Variants in GFUS observed in about 807,000 individuals in gnomAD.
GFUS encodes the protein GDP-L-fucose synthase.
Under a neutral mutation model 41.5 loss-of-function variants are expected in GFUS, and 42 were observed. The ratio of observed to expected loss-of-function variants is 1.01; its 90% CI spans 0.79 to 1.31. The LOEUF is 1.31. Among genes scored for constraint, GFUS ranks in the 50% most tolerant of loss-of-function variants. GFUS has a pLI of 0.00. For missense variants in GFUS, 437 were observed against 428.7 expected (o/e 1.02, Z -0.17); for synonymous variants, 188 against 173.4 (o/e 1.08, Z -0.66).
chr8:143,612,795 G>C lies in GFUS; in HGVS notation c.*115C>G, dbSNP rs1829606814. On this transcript the variant is annotated 3_prime_UTR_variant, in exon 11 of 11. Transcript: ENST00000425753. ...GATGCTTGGGGCTGCAGAGCGGATGGAATGCAGGCCCAGGTTGCTGGGTGG... is the reference window on the plus strand; with the variant it reads ...GATGCTTGGGGCTGCAGAGCGGATGCAATGCAGGCCCAGGTTGCTGGGTGG... 7.8e-7 allele frequency: 1 copy of C among 1,278,390 alleles called. No homozygotes were observed. The highest frequency in any genetic ancestry group is 1.3e-5 in the South Asian group (1 of 75,238). The allele number at this position is 1,278,390 out of a possible 1,614,324, so 79.2% of individuals were successfully genotyped here. A position where few individuals can be genotyped will look rare whatever the true frequency, so the allele number is the denominator to read the frequency against.
chr8:143,617,563 G>C (rs531962775), upstream of GFUS: 1 of 152,210 alleles, frequency 6.6e-6, no homozygotes, highest in Non-Finnish European at 1.5e-5. Context: ...GGGCGGGGCC[G>C]GGAGGCTGGG....
At chr8:143,613,029 G>C in intron 10 of GFUS, 64 bp from the exon 11 acceptor site, 1 of 1,587,718 alleles carries the variant, frequency 6.3e-7, no homozygotes, top group East Asian at 2.3e-5. Context: ...GAGGAAGTGG[G>C]GGGAGGAGGC....
chr8:143,615,930 A>T, intron 3 of GFUS, 176 bp downstream of exon 3: 1 of 586,068 alleles, frequency 1.7e-6, no homozygotes, highest in South Asian at 2.2e-5. Context: ...CCACAGCACC[A>T]AGTGTGAGTG....
chr8:143,614,110 C>A, intron 7 of GFUS, 54 bp downstream of exon 7: 1 of 1,605,828 alleles, frequency 6.2e-7, no homozygotes, highest in Non-Finnish European at 8.5e-7. Context: ...AGGGGCCAGC[C>A]CAGGGCTCAA....
Position 143,614,441 on chromosome 8 carries a change from C to T in GFUS, c.477G>A (p.Gln159=), listed in dbSNP as rs1359553155. ...MIDVQNRAYF[Q]QYGCTFTAVI... ...CAGCGGTGAAGGTGCAGCCGTACTG[C>T]TGGAAGTAGGCCCTGCGGAGGCACA... is the stretch of plus-strand genomic sequence containing the variant. The change falls in exon 6 of 11, where the codon CAG becomes CAA. Residue 159 remains glutamine, a synonymous_variant. Transcript: ENST00000425753. The T allele has an allele frequency of 1.9e-6, 3 of 1,612,832 alleles. No homozygotes were observed. The highest frequency in any genetic ancestry group is 3.3e-5 in the Admixed American group (2 of 59,932).
chr8:143,615,745 G>A, intron 3 of GFUS: 1 of 241,846 alleles, frequency 4.1e-6, no homozygotes, highest in East Asian at 9.1e-5. Context: ...GGGGAGCTGG[G>A]CCAGCACAGT....
At chr8:143,616,542 C>T (rs751412158) in intron 2 of GFUS, 25 bp downstream of exon 2, 3 of 1,613,544 alleles carry the variant, frequency 1.9e-6, no homozygotes, top group Non-Finnish European at 2.5e-6. Flanking sequence ...AGAGGAAGGG[C>T]TGATCTGGGG....
At chr8:143,616,992 G>A in intron 1 of GFUS, 1 of 524,590 alleles carries the variant, frequency 1.9e-6, no homozygotes, top group South Asian at 2.4e-5. Context: ...CCGAGAAAAG[G>A]TACATTCTAC....
intron 2 of GFUS, 47 bp from the exon 3 acceptor site, chr8:143,616,267 C>A (rs747844250): frequency 6.3e-7 from 1 of 1,580,676 alleles, no homozygotes; most frequent in South Asian, 1.1e-5. Flanking sequence ...AACCAGCACC[C>A]CAGGGTTGGG....
rs569059926 is a variant in GFUS at position 143,614,187 on chromosome 8, G to A, written c.640C>T (p.Arg214Trp). ...ACCAGCGAGTATATGAACTGCCTCC[G>A]CGGATTCCCTGTACCCCACACCGTC... ...ALTVWGTGNP[R>W]RQFIYSLDLA... The change falls in exon 7 of 11, where the codon CGG becomes TGG. Residue 214 changes from arginine (R) to tryptophan (W), a missense_variant. Coordinates refer to ENST00000425753, the MANE Select transcript of GFUS (RefSeq NM_003313.4). 4.5e-5 allele frequency: 72 copies of A among 1,613,480 alleles called. No homozygotes were observed. Among genetic ancestry groups the A allele is most frequent in the South Asian group, 1.1e-4 (10 of 91,088 alleles).
intron 7 of GFUS, 75 bp from the exon 8 acceptor site, chr8:143,613,892 C>T (rs766843749): frequency 6.8e-7 from 1 of 1,461,582 alleles, no homozygotes; most frequent in Non-Finnish European, 9.4e-7. Flanking sequence ...CTGGGGAGTC[C>T]ATACTGCTGT....
intron 10 of GFUS, 45 bp from the exon 11 acceptor site, chr8:143,613,010 G>A (rs773893583): frequency 6.3e-7 from 1 of 1,597,044 alleles, no homozygotes; most frequent in Non-Finnish European, 8.5e-7. Flanking sequence ...GAGGGTCGGG[G>A]CCGCATGGGA....
chr8:143,615,526 G>C (rs1192790141), intron 3 of GFUS, among the ~76,000 whole-genome samples: 1 of 152,172 alleles, frequency 6.6e-6, no homozygotes, highest in Admixed American at 6.5e-5. Flanking sequence ...AATCTCCTCT[G>C]AGCCTCTGCT....
In GFUS at chr8:143,616,202, G is replaced by A. The variant is rs201383042; in HGVS notation, c.165C>T (p.Arg55=). Residue 55 remains arginine, a synonymous_variant, in exon 3 of 11, where the codon CGC becomes CGT. Coordinates refer to ENST00000425753, the MANE Select transcript of GFUS (RefSeq NM_003313.4). ...TGGGTTGGACCTTCTCAAACAGGGC[G>A]CGGGTCTGTGCTGTATCCCTGTAGG... is the stretch of plus-strand genomic sequence containing the variant. ...DADLTDTAQT[R]ALFEKVQPTH... 1.2e-5 allele frequency: 19 copies of A among 1,613,880 alleles called. No homozygotes were observed. Among genetic ancestry groups the A allele is most frequent in the South Asian group, 4.4e-5 (4 of 91,090 alleles).
At chr8:143,614,938 G>A (rs1215869871) in intron 3 of GFUS, 23 bp from the exon 4 acceptor site, 1 of 1,580,588 alleles carries the variant, frequency 6.3e-7, no homozygotes, top group South Asian at 1.2e-5. Flanking sequence ...GGCGGGGACA[G>A]TTCAGGCTCC....
chr8:143,615,967 C>A (rs1037171815), intron 3 of GFUS, 139 bp downstream of exon 3: 10 of 706,922 alleles, frequency 1.4e-5, no homozygotes, highest in Non-Finnish European at 2.1e-5. Context: ...GGGCTGCCCC[C>A]ACCAGGCTGT....
Position 143,616,572 on chromosome 8 carries a change from A to T in GFUS, c.141T>A (p.Asp47Glu), listed in dbSNP as rs769356855. ...CTGGGGATGGGCTCACTCACGTGAG[A>T]TCGGCGTCTTTAGAGGAGACAAACA... is the stretch of plus-strand genomic sequence containing the variant. ...DWVFVSSKDA[D>E]LTDTAQTRAL... Residue 47 changes from aspartate (D) to glutamate (E), a missense_variant, in exon 2 of 11, where the codon GAT (aspartate) becomes GAA (glutamate). Transcript: ENST00000425753. The T allele has an allele frequency of 6.2e-7, 1 of 1,613,822 alleles. No homozygotes were observed. The highest frequency in any genetic ancestry group is 8.5e-7 in the Non-Finnish European group (1 of 1,179,962).
Position 143,613,026 on chromosome 8 carries a change from T to TG in GFUS, c.911-62dup, listed in dbSNP as rs376162136. 60 of 1,588,904 alleles carry TG rather than the reference T, an allele frequency of 3.8e-5. No individual in the cohort carries two copies. The African/African-American group carries it at 5.8e-4, about 15-fold the overall frequency. On this transcript the variant is annotated intron_variant, in intron 10 of 10. Transcript: ENST00000425753. Reference sequence around the variant, plus strand: ...AGGGTCGGGGCCGCATGGGAGGAAGTGGGGGGAGGAGGCCCAGGGACAGGG... The same window carrying TG: ...AGGGTCGGGGCCGCATGGGAGGAAGTGGGGGGGAGGAGGCCCAGGGACAGGG...
chr8:143,614,426 G>C lies in GFUS; in HGVS notation c.492C>G (p.Thr164=). ...CGTTGGTGGGGATGACAGCGGTGAA[G>C]GTGCAGCCGTACTGCTGGAAGTAGG... ...NRAYFQQYGC[T]FTAVIPTNVF... The change falls in exon 6 of 11, where the codon ACC becomes ACG. Residue 164 remains threonine, a synonymous_variant. Coordinates refer to ENST00000425753, the MANE Select transcript of GFUS (RefSeq NM_003313.4). The C allele has an allele frequency of 6.2e-7, 1 of 1,613,684 alleles. No homozygotes were observed. Among genetic ancestry groups the C allele is most frequent in the Non-Finnish European group, 8.5e-7 (1 of 1,179,898 alleles).
Sources: allele counts gnomAD v4.1 joint callset (sites outside exome capture counted in the v4.1 genomes callset), GRCh38; gene constraint gnomAD v4.1.1; transcripts MANE v1.5; gene names NCBI Gene and HGNC (gene_info 2026-07-23, HGNC 2026-07-21).